TM4SF18: variants seen among roughly 807,000 people sequenced by gnomAD.
TM4SF18 encodes the protein transmembrane 4 L6 family member 18.
A neutral mutation model predicts 23.8 loss-of-function variants in TM4SF18; 22 were observed. The observed-to-expected ratio is 0.92, with a 90% CI of 0.66 to 1.32. TM4SF18 has a LOEUF of 1.32. Among genes scored for constraint, TM4SF18 ranks in the 40% most tolerant of loss-of-function variants. The pLI, the probability that TM4SF18 is intolerant of heterozygous loss-of-function variation, is 0.00. For synonymous variants in TM4SF18, 87 were observed against 87.9 expected, an observed-to-expected ratio of 0.99 and a Z score of 0.06; for missense variants, 255 against 240.3, an observed-to-expected ratio of 1.06 and a Z score of -0.41.
At chr3:149,325,201 G>A (rs1730913670) in intron 3 of TM4SF18, among the ~76,000 whole-genome samples, 179 bp from the exon 4 acceptor site, 1 of 151,864 alleles carries the variant, frequency 6.6e-6, no homozygotes, top group Non-Finnish European at 1.5e-5. Flanking sequence ...TTAAAAATAA[G>A]CTTTTAAATA....
rs2082148 is a variant in TM4SF18 at position 149,319,565 on chromosome 3, C to G, written c.*1913G>C. On this transcript the variant is annotated 3_prime_UTR_variant, in exon 6 of 6. Transcript: ENST00000296059. ...ATAAACAGAGCTGCACTGATTTAGT[C>G]GGGGGTTTACTGAAATGATCAGCAC... The G allele has an allele frequency of 0.9, 137,378 of 152,286 alleles. 62,176 individuals are homozygous for G. The highest frequency in any genetic ancestry group is 0.98 in the African/African-American group (40,596 of 41,556). 9.4% of individuals were successfully genotyped at this position (152,286 alleles called of 1,614,324 possible). A position where few individuals can be genotyped will look rare whatever the true frequency, so the allele number is the denominator to read the frequency against.
intron 5 of TM4SF18, 97 bp from the exon 6 acceptor site, chr3:149,321,589 T>C (rs1730810674): frequency 2.6e-6 from 2 of 761,102 alleles, no homozygotes; most frequent in South Asian, 4.3e-5. Context: ...ATATTTCATA[T>C]TCAAAATATG....
At chr3:149,322,905 C>A (rs1165301348) in intron 4 of TM4SF18, among the ~76,000 whole-genome samples, 4 of 128,768 alleles carry the variant, frequency 3.1e-5, no homozygotes, top group African/African-American at 1.1e-4. Flanking sequence ...GGCCTCCAGA[C>A]TTTTTTTTTT....
At position 149,318,754 on chromosome 3, in the gene TM4SF18, G is replaced by T. The variant is rs937400337; in HGVS notation, c.*2724C>A. On this transcript the variant is annotated 3_prime_UTR_variant, in exon 6 of 6. Transcript: ENST00000296059. ...CAATATTAGGCATTTTCAGGGTGTTGTGACCACAGATGATGTAACTATTAA... is the reference window on the plus strand; with the variant it reads ...CAATATTAGGCATTTTCAGGGTGTTTTGACCACAGATGATGTAACTATTAA... The T allele has an allele frequency of 2.0e-5, 3 of 152,142 alleles. No individual in the cohort carries two copies. Among genetic ancestry groups the T allele is most frequent in the Admixed American group, 6.5e-5 (1 of 15,274 alleles). The allele number at this position is 152,142 out of a possible 1,614,324, so 9.4% of individuals were successfully genotyped here.
rs777630260 is a variant in TM4SF18, at chr3:149,333,415, A to G, written c.-17-16T>C. 1.1e-5 allele frequency: 17 copies of G among 1,552,304 alleles called. No individual in the cohort carries two copies. Among genetic ancestry groups the G allele is most frequent in the African/African-American group, 4.1e-5 (3 of 73,008 alleles). ...TGCTTAGAACCTGCGGGAGATTTCA[A>G]GAGTATACAGTCACAGAAAGTCTAT... On this transcript the variant is annotated splice_polypyrimidine_tract_variant and intron_variant, in intron 1 of 5. Transcript: ENST00000296059.
At chr3:149,322,514 A>C (rs1165737711) in intron 4 of TM4SF18, 78 bp from the exon 5 acceptor site, 20 of 1,205,246 alleles carry the variant, frequency 1.7e-5, no homozygotes, top group Non-Finnish European at 2.3e-5. Flanking sequence ...TTGAGAAATT[A>C]CTGTATAACT....
chr3:149,324,530 G>C (rs964633407), intron 4 of TM4SF18, among the ~76,000 whole-genome samples: 2 of 152,050 alleles, frequency 1.3e-5, no homozygotes, highest in African/African-American at 4.8e-5. Flanking sequence ...AAACAAAACT[G>C]AGTTCCTGGA....
chr3:149,323,489 C>T (rs529102922), intron 4 of TM4SF18, among the ~76,000 whole-genome samples: 3 of 152,252 alleles, frequency 2.0e-5, no homozygotes, highest in African/African-American at 7.2e-5. Flanking sequence ...TGCAGGAAGT[C>T]GGGGACCCCA....
At position 149,319,022 on chromosome 3, in the gene TM4SF18, G is replaced by A. The variant is rs1478695432; in HGVS notation, c.*2456C>T. 5.3e-5 allele frequency: 8 copies of A among 151,978 alleles called. No individual in the cohort carries two copies. In the South Asian group the frequency reaches 1.7e-3, roughly 32 times the overall value. 9.4% of individuals were successfully genotyped at this position (151,978 alleles called of 1,614,324 possible). A position where few individuals can be genotyped will look rare whatever the true frequency, so the allele number is the denominator to read the frequency against. On this transcript the variant is annotated 3_prime_UTR_variant, in exon 6 of 6. Transcript: ENST00000296059. Reference sequence around the variant, plus strand: ...TATACTCTTCAAATATAGAATATTTGGTGGCTGTGTTAAAATTTAATTTTC... The same window carrying A: ...TATACTCTTCAAATATAGAATATTTAGTGGCTGTGTTAAAATTTAATTTTC...
At chr3:149,325,416 T>C (rs987951682) in intron 3 of TM4SF18, among the ~76,000 whole-genome samples, 39 of 152,322 alleles carry the variant, frequency 2.6e-4, no homozygotes, top group African/African-American at 9.4e-4. Flanking sequence ...TGACCTCTGC[T>C]TTCCTCTTAT....
chr3:149,328,484 A>G (rs891829662), intron 3 of TM4SF18, among the ~76,000 whole-genome samples: 1 of 152,226 alleles, frequency 6.6e-6, no homozygotes, highest in Non-Finnish European at 1.5e-5. Context: ...CAACCAAGAA[A>G]TGAATCAATT....
intron 4 of TM4SF18, among the ~76,000 whole-genome samples, chr3:149,323,641 T>A (rs371943620): frequency 1.3e-5 from 2 of 152,370 alleles, no homozygotes; most frequent in Admixed American, 6.5e-5. Context: ...TCTTCATAAG[T>A]TGAGGATGTA....
chr3:149,321,496 T>C lies in TM4SF18; in HGVS notation c.592-4A>G, dbSNP rs774235318. ...TCCTTATTCAAATGATTCCAGGCTA[T>C]AGGAAAAAAGGAAAAACAAAGTGAT... is the stretch of plus-strand genomic sequence containing the variant. On this transcript the variant is annotated splice_polypyrimidine_tract_variant and splice_region_variant and intron_variant, in intron 5 of 5. Transcript: ENST00000296059. 1.9e-6 allele frequency: 3 copies of C among 1,569,442 alleles called. No individual in the cohort carries two copies. Among genetic ancestry groups the C allele is most frequent in the Non-Finnish European group, 2.6e-6 (3 of 1,155,186 alleles).
Position 149,319,515 on chromosome 3 carries a change from C to T in TM4SF18, c.*1963G>A, listed in dbSNP as rs1280709343. Reference sequence around the variant, plus strand: ...CAACCCAACATCTAGAAAAGGGAGACTTCATTTGGATCGTTTTAGTTGCAA... The same window carrying T: ...CAACCCAACATCTAGAAAAGGGAGATTTCATTTGGATCGTTTTAGTTGCAA... On this transcript the variant is annotated 3_prime_UTR_variant, in exon 6 of 6. Coordinates refer to ENST00000296059, the MANE Select transcript of TM4SF18 (RefSeq NM_138786.4). 1 of 152,196 alleles carries T rather than the reference C, an allele frequency of 6.6e-6. No individual in the cohort carries two copies. Among genetic ancestry groups the T allele is most frequent in the East Asian group, 1.9e-4 (1 of 5,200 alleles). 9.4% of individuals were successfully genotyped at this position (152,196 alleles called of 1,614,324 possible). A position where few individuals can be genotyped will look rare whatever the true frequency, so the allele number is the denominator to read the frequency against.
chr3:149,333,421 T>C (rs770676796), intron 1 of TM4SF18, 22 bp from the exon 2 acceptor site: 3 of 1,504,438 alleles, frequency 2.0e-6, no homozygotes, highest in African/African-American at 1.4e-5. Context: ...TTCAAGAGTA[T>C]ACAGTCACAG....
intron 3 of TM4SF18, among the ~76,000 whole-genome samples, chr3:149,329,326 C>A (rs1731034761): frequency 6.6e-6 from 1 of 152,098 alleles, no homozygotes; most frequent in African/African-American, 2.4e-5. Flanking sequence ...ATTGAAATAT[C>A]CTGGGGAGAT....
chr3:149,322,520 T>C, intron 4 of TM4SF18, 84 bp from the exon 5 acceptor site: 1 of 1,128,792 alleles, frequency 8.9e-7, no homozygotes, highest in South Asian at 1.6e-5. Flanking sequence ...AATTACTGTA[T>C]AACTAAAATA....
rs75406690 is a variant in TM4SF18 at position 149,319,955 on chromosome 3, G to C, written c.*1523C>G. ...TCTGGGGCCTGCCCCAGTTCAGTCA[G>C]CTGGGCCCAGAGCATGAAGGTCATG... On this transcript the variant is annotated 3_prime_UTR_variant, in exon 6 of 6. Transcript: ENST00000296059. 0.091 allele frequency: 13,936 copies of C among 152,350 alleles called. 731 individuals are homozygous for C. Among genetic ancestry groups the C allele is most frequent in the Middle Eastern group, 0.15 (43 of 294 alleles). The allele number at this position is 152,350 out of a possible 1,614,324, so 9.4% of individuals were successfully genotyped here.
At chr3:149,331,207 C>T (rs887310843) in intron 2 of TM4SF18, among the ~76,000 whole-genome samples, 2 of 152,112 alleles carry the variant, frequency 1.3e-5, no homozygotes, top group African/African-American at 4.8e-5. Context: ...TTATTTTACT[C>T]TTCGTAGCCA....
Sources: allele counts gnomAD v4.1 joint callset (sites outside exome capture counted in the v4.1 genomes callset), GRCh38; gene constraint gnomAD v4.1.1; transcripts MANE v1.5; gene names NCBI Gene and HGNC (gene_info 2026-07-23, HGNC 2026-07-21).